Variants in IFT43 observed in about 807,000 individuals in gnomAD.
IFT43 encodes intraflagellar transport protein 43 homolog.
In IFT43, 33 loss-of-function variants were observed where a neutral mutation model predicts 32.3. The observed-to-expected ratio is 1.02, with a 90% CI of 0.77 to 1.37. The LOEUF is 1.37. Ranked by LOEUF, IFT43 falls within the 40% of genes most tolerant of loss-of-function variation. IFT43 has a pLI of 0.00. For synonymous variants in IFT43, 93 were observed against 98.2 expected, an observed-to-expected ratio of 0.95 and a Z score of 0.31; for missense variants, 274 against 265.9, an observed-to-expected ratio of 1.03 and a Z score of -0.21.
At chr14:76,079,123 G>A (rs965373535) in intron 5 of IFT43, among the ~76,000 whole-genome samples, 4 of 152,214 alleles carry the variant, frequency 2.6e-5, no homozygotes, top group Admixed American at 2.0e-4. Context: ...GTCTTTGAAG[G>A]CATTTCACTT....
intron 3 of IFT43, among the ~76,000 whole-genome samples, chr14:76,040,596 C>T (rs1477274971): frequency 6.6e-6 from 1 of 152,142 alleles, no homozygotes; most frequent in Non-Finnish European, 1.5e-5. Flanking sequence ...AGTTTAAGGC[C>T]TCGGATGGCT....
At chr14:76,073,761 G>T (rs1214055635) in intron 5 of IFT43, among the ~76,000 whole-genome samples, 1 of 152,164 alleles carries the variant, frequency 6.6e-6, no homozygotes, top group Non-Finnish European at 1.5e-5. Flanking sequence ...ATTTAAAAGT[G>T]CCCAAGGCGA....
At chr14:76,083,028 G>T (rs1436707715) in intron 7 of IFT43, among the ~76,000 whole-genome samples, 199 bp from the exon 8 acceptor site, 1 of 152,136 alleles carries the variant, frequency 6.6e-6, no homozygotes, top group Non-Finnish European at 1.5e-5. Context: ...AGCACGCCCA[G>T]CATGTGGGAA....
At position 76,016,347 on chromosome 14, in the gene IFT43, C is replaced by A. The variant is rs114375713; in HGVS notation, c.148-5980C>A. On this transcript the variant is annotated intron_variant, in intron 2 of 8. Transcript: ENST00000314067. Reference sequence around the variant, plus strand: ...CCTAATATGTTGTAGGTGTTGTTTTCAAAAATCGTTTGGCTAGAAATACAT... The same window carrying A: ...CCTAATATGTTGTAGGTGTTGTTTTAAAAAATCGTTTGGCTAGAAATACAT... 6.1e-3 allele frequency among the ~76,000 whole-genome samples: 931 copies of A among 152,148 alleles called. 13 individuals are homozygous for A. Among genetic ancestry groups the A allele is most frequent in the African/African-American group, 0.021 (880 of 41,530 alleles).
chr14:75,987,660 G>GT (rs987642596), intron 1 of IFT43, among the ~76,000 whole-genome samples: 19 of 152,096 alleles, frequency 1.2e-4, no homozygotes, highest in Admixed American at 2.0e-4. Flanking sequence ...TATTAATGCT[G>GT]TTTTTTTTAA....
chr14:76,083,409 G>A lies in IFT43; in HGVS notation c.508-49G>A, dbSNP rs8536. 0.37 allele frequency: 597,695 copies of A among 1,613,372 alleles called. 114,614 individuals carry two copies. The highest frequency in any genetic ancestry group is 0.42 in the East Asian group (18,623 of 44,854). On this transcript the variant is annotated intron_variant, in intron 8 of 8. Transcript: ENST00000314067. ...TGGGAGGGAGAAGTCAGCTACAGTT[G>A]AGGGAAAAGGCCTTTCTTTGTCTTA...
intron 3 of IFT43, among the ~76,000 whole-genome samples, chr14:76,056,937 C>A (rs1371447721): frequency 6.6e-6 from 1 of 152,176 alleles, no homozygotes; most frequent in Non-Finnish European, 1.5e-5. Context: ...CCCTGGGCAC[C>A]CTGCAGTGGT....
At position 76,082,649 on chromosome 14, in the gene IFT43, A is replaced by T; in HGVS notation, c.401A>T (p.Asp134Val). ...ATAAAGCGGGTGATGACCTACCGTG[A>T]CCTGGACAATGACCTCATGAAGTAC... ...IQIKRVMTYRDLDNDLMKYSA... is the reference protein window; with the variant it reads ...IQIKRVMTYRVLDNDLMKYSA... The change falls in exon 7 of 9, where the codon GAC becomes GTC. Residue 134 changes from aspartate to valine, a missense_variant. By Grantham distance (152) the Asp-to-Val change is radical. Coordinates refer to ENST00000314067, the MANE Select transcript of IFT43 (RefSeq NM_001102564.3). 6.2e-7 allele frequency: 1 copy of T among 1,614,072 alleles called. No individual in the cohort carries two copies. The highest frequency in any genetic ancestry group is 8.5e-7 in the Non-Finnish European group (1 of 1,179,974).
chr14:76,075,485 T>C (rs889494938), intron 5 of IFT43, among the ~76,000 whole-genome samples: 1 of 152,234 alleles, frequency 6.6e-6, no homozygotes, highest in Non-Finnish European at 1.5e-5. Flanking sequence ...TTTTAAAAAA[T>C]TCTCCATTTT....
intron 5 of IFT43, 125 bp from the exon 6 acceptor site, chr14:76,082,170 T>G: frequency 1.2e-6 from 1 of 843,150 alleles, no homozygotes; most frequent in Non-Finnish European, 2.1e-6. Flanking sequence ...TGTATCTGAG[T>G]GTCCTTCCTG....
At position 75,999,270 on chromosome 14, in the gene IFT43, TATGTATATA is replaced by T. The variant is rs1259772471; in HGVS notation, c.147+10294_147+10302del. Among the ~76,000 whole-genome samples the T allele has an allele frequency of 4.2e-3, 105 of 25,172 alleles. 1 individual carries two copies. The highest frequency in any genetic ancestry group is 0.013 in the African/African-American group (59 of 4,506). 16.5% of individuals were successfully genotyped at this position (25,172 alleles called of 152,430 possible). A position where few individuals can be genotyped will look rare whatever the true frequency, so the allele number is the denominator to read the frequency against. On this transcript the variant is annotated intron_variant, in intron 2 of 8. Transcript: ENST00000314067. ...ATATATATATATATATATATATATA[TATGTATATA>T]TATTTTTTTTTTTTTTTTTTTAATT...
At chr14:76,061,240 G>A (rs754372904) in intron 5 of IFT43, among the ~76,000 whole-genome samples, 1 of 152,140 alleles carries the variant, frequency 6.6e-6, no homozygotes, top group Non-Finnish European at 1.5e-5. Flanking sequence ...TGTATGTAAT[G>A]TATCTTTCCC....
chr14:76,041,849 G>A (rs753089148), intron 3 of IFT43, among the ~76,000 whole-genome samples: 8 of 152,038 alleles, frequency 5.3e-5, no homozygotes, highest in East Asian at 1.9e-4. Flanking sequence ...TTTAGTACAC[G>A]TAGATTTACT....
chr14:76,038,696 C>G (rs563023602), intron 3 of IFT43, among the ~76,000 whole-genome samples: 1 of 152,256 alleles, frequency 6.6e-6, no homozygotes, highest in African/African-American at 2.4e-5. Context: ...CTGTGTACAT[C>G]GAAATAACTA....
At chr14:75,985,953 C>T in intron 1 of IFT43, 113 bp downstream of exon 1, 1 of 1,539,974 alleles carries the variant, frequency 6.5e-7, no homozygotes, top group Non-Finnish European at 8.7e-7. Flanking sequence ...CGCGCCGCGC[C>T]GGGTGAGGCC....
intron 3 of IFT43, chr14:76,038,000 A>G (rs2036634067): frequency 6.6e-6 from 1 of 152,206 alleles, no homozygotes; most frequent in Non-Finnish European, 1.5e-5. Flanking sequence ...GGTAAACACA[A>G]TTTTGCTCAT....
At position 76,083,538 on chromosome 14, in the gene IFT43, G is replaced by A. The variant is rs1402014542; in HGVS notation, c.588G>A (p.Thr196=). Residue 196 remains threonine, a synonymous_variant, in exon 9 of 9, where the codon ACG becomes ACA. Coordinates refer to ENST00000314067, the MANE Select transcript of IFT43 (RefSeq NM_001102564.3). ...TCACTGAGTGGGACCCACTGCAGAC[G>A]GAGAAGGAGGACCCTGCGGGGCAGG... ...EVLTEWDPLQ[T]EKEDPAGQAR... 18 of 1,614,178 alleles carry A rather than the reference G, an allele frequency of 1.1e-5. No individual in the cohort carries two copies. The highest frequency in any genetic ancestry group is 2.2e-5 in the South Asian group (2 of 91,086).
intron 3 of IFT43, among the ~76,000 whole-genome samples, chr14:76,055,273 G>A (rs1318117655): frequency 6.6e-6 from 1 of 151,620 alleles, no homozygotes; most frequent in African/African-American, 2.4e-5. Context: ...ATGAACTCAG[G>A]AGTTTGAGGC....
At chr14:76,058,857 A>G in intron 4 of IFT43, 183 bp downstream of exon 4, 1 of 1,515,298 alleles carries the variant, frequency 6.6e-7, no homozygotes, top group Non-Finnish European at 8.8e-7. Context: ...GAAGGTCTGG[A>G]CCCTGGCATT....
Sources: allele counts gnomAD v4.1 joint callset (sites outside exome capture counted in the v4.1 genomes callset), GRCh38; gene constraint gnomAD v4.1.1; transcripts MANE v1.5; gene names NCBI Gene and HGNC (gene_info 2026-07-23, HGNC 2026-07-21).